ZDHHC22: variants seen among roughly 807,000 people sequenced by gnomAD.
ZDHHC22 encodes palmitoyltransferase ZDHHC22.
ZDHHC22 carries 13 observed loss-of-function variants against 17.0 expected under a neutral mutation model. The ratio of observed to expected loss-of-function variants is 0.76; its 90% CI spans 0.50 to 1.21. The LOEUF (loss-of-function observed/expected upper bound fraction) is 1.21, where lower values mean the gene tolerates loss of function less well. Ranked by LOEUF, ZDHHC22 falls within the 50% of genes most tolerant of loss-of-function variation. ZDHHC22 has a pLI of 0.00. For missense variants in ZDHHC22, 319 were observed against 342.3 expected (o/e 0.93, Z 0.54); for synonymous variants, 138 against 154.7 (o/e 0.89, Z 0.80).
intron 2 of ZDHHC22, among the ~76,000 whole-genome samples, chr14:77,137,423 C>T (rs1018327265): frequency 1.3e-5 from 2 of 152,208 alleles, no homozygotes; most frequent in African/African-American, 4.8e-5. Context: ...CAAGGTCTTC[C>T]TTCTGGAACC....
intron 2 of ZDHHC22, among the ~76,000 whole-genome samples, chr14:77,134,629 G>A (rs1887101221): frequency 6.6e-6 from 1 of 152,140 alleles, no homozygotes; most frequent in Non-Finnish European, 1.5e-5. Context: ...GCTAGAAGAG[G>A]CCCCCAAGGT....
At chr14:77,137,365 A>G (rs1887156845) in intron 2 of ZDHHC22, among the ~76,000 whole-genome samples, 1 of 152,208 alleles carries the variant, frequency 6.6e-6, no homozygotes, top group Admixed American at 6.5e-5. Context: ...CAAACCTAGC[A>G]CATATGGACA....
chr14:77,135,194 G>GC (rs903101349), intron 2 of ZDHHC22, among the ~76,000 whole-genome samples: 9 of 151,954 alleles, frequency 5.9e-5, no homozygotes, highest in Admixed American at 3.3e-4. Flanking sequence ...CTCTGGTGGG[G>GC]GGGGGGCACC....
chr14:77,134,003 C>T, intron 2 of ZDHHC22, 55 bp from the exon 3 acceptor site: 16 of 1,491,490 alleles, frequency 1.1e-5, no homozygotes, highest in Non-Finnish European at 1.4e-5. Flanking sequence ...AGGCCACCGG[C>T]ATAACTGCGA....
At position 77,140,586 on chromosome 14, in the gene ZDHHC22, T is replaced by C. The variant is rs1284441422; in HGVS notation, c.-14-834A>G. The C allele has an allele frequency of 6.6e-6, 1 of 152,204 alleles. No individual in the cohort carries two copies. Among genetic ancestry groups the C allele is most frequent in the Non-Finnish European group, 1.5e-5 (1 of 68,022 alleles). 9.4% of individuals were successfully genotyped at this position (152,204 alleles called of 1,614,324 possible). A position where few individuals can be genotyped will look rare whatever the true frequency, so the allele number is the denominator to read the frequency against. ...GCCAGCACATCTCTCCAACGCTGGC[T>C]GCCCGGGCTATTTCTTTGCGAAGAG... On this transcript the variant is annotated intron_variant, in intron 1 of 2. Coordinates refer to ENST00000319374, the MANE Select transcript of ZDHHC22 (RefSeq NM_174976.2). The surrounding 1 kb of genome is among the most constrained non-coding windows in gnomAD (Gnocchi z 5.9).
chr14:77,139,728 AG>A lies in ZDHHC22; in HGVS notation c.10del (p.Leu4CysfsTer18), dbSNP rs1887213406. On this transcript the variant is annotated frameshift_variant, in exon 2 of 3. Transcript: ENST00000319374. LOFTEE classifies it high-confidence loss of function. The stretch of plus-strand genomic sequence containing the variant: ...GGGGGCCACCACGTTGAGCAGCCGC[AG>A]GGCCAGCATCCTCGATTACATTCCT... MLA[L>X]RLLNVVAPAY... 2 of 1,506,692 alleles carry A rather than the reference AG, an allele frequency of 1.3e-6. No homozygotes were observed. Among genetic ancestry groups the A allele is most frequent in the African/African-American group, 2.8e-5 (2 of 71,912 alleles). The allele number at this position is 1,506,692 out of a possible 1,614,324, so 93.3% of individuals were successfully genotyped here.
chr14:77,134,253 G>A (rs1160352324), intron 2 of ZDHHC22, among the ~76,000 whole-genome samples: 2 of 152,190 alleles, frequency 1.3e-5, no homozygotes, highest in African/African-American at 4.8e-5. Context: ...GCACCTGGCC[G>A]CTGATAACAT....
intron 1 of ZDHHC22, 144 bp from the exon 2 acceptor site, chr14:77,139,896 T>G: frequency 8.2e-6 from 7 of 852,080 alleles, no homozygotes; most frequent in African/African-American, 1.7e-5. Flanking sequence ...CCCTCCCCAG[T>G]TCCCTAACCC....
chr14:77,134,097 G>T, intron 2 of ZDHHC22, 149 bp from the exon 3 acceptor site: 1 of 1,082,280 alleles, frequency 9.2e-7, no homozygotes. Context: ...TGCAGCTGCA[G>T]TGAGGGAGAG....
chr14:77,139,517 GTC>G lies in ZDHHC22; in HGVS notation c.220_221del (p.Asp74ArgfsTer19). 1.2e-6 allele frequency: 2 copies of G among 1,611,026 alleles called. No homozygotes were observed. The highest frequency in any genetic ancestry group is 1.7e-6 in the Non-Finnish European group (2 of 1,178,768). ...AGGCCCCCTGGCAGGCCCCCAGGTCGTCTGGGGAGTTCTGGATGACAAGGACG... is the reference window on the plus strand; with the variant it reads ...AGGCCCCCTGGCAGGCCCCCAGGTCGTGGGGAGTTCTGGATGACAAGGACG... ...NYVLVIQNSPDDLGACQGASA... is the reference protein window; with the variant it reads ...NYVLVIQNSPXDLGACQGASA... On this transcript the variant is annotated frameshift_variant, in exon 2 of 3. Coordinates refer to ENST00000319374, the MANE Select transcript of ZDHHC22 (RefSeq NM_174976.2). LOFTEE classifies it high-confidence loss of function.
At chr14:77,138,675 C>T (rs986658972) in intron 2 of ZDHHC22, among the ~76,000 whole-genome samples, 1 of 152,200 alleles carries the variant, frequency 6.6e-6, no homozygotes, top group African/African-American at 2.4e-5. Flanking sequence ...GAGGACAGAG[C>T]TTAGCCTCCT....
rs866685385 is a variant in ZDHHC22 at position 77,139,564 on chromosome 14, C to T, written c.175G>A (p.Ala59Thr). 6.2e-7 allele frequency: 1 copy of T among 1,602,072 alleles called. No individual in the cohort carries two copies. Among genetic ancestry groups the T allele is most frequent in the South Asian group, 1.1e-5 (1 of 89,206 alleles). Residue 59 changes from alanine to threonine, a missense_variant, in exon 2 of 3, where the codon GCC (alanine) becomes ACC (threonine). Physicochemically the swap from Ala to Thr is moderately conservative, Grantham distance 58. Coordinates refer to ENST00000319374, the MANE Select transcript of ZDHHC22 (RefSeq NM_174976.2). ...LHGALFLFLS[A>T]NALGNYVLVI... The stretch of plus-strand genomic sequence containing the variant: ...AGGACGTAATTGCCCAGGGCGTTGG[C>T]CGAGAGGAATAGGAAGAGCGCCCCG...
At chr14:77,134,466 C>T (rs1438180847) in intron 2 of ZDHHC22, among the ~76,000 whole-genome samples, 1 of 152,182 alleles carries the variant, frequency 6.6e-6, no homozygotes, top group East Asian at 1.9e-4. Flanking sequence ...AAAATGACAG[C>T]ATGATGGAGA....
At position 77,135,729 on chromosome 14, in the gene ZDHHC22, A is replaced by C. The variant is rs540662198; in HGVS notation, c.527-1781T>G. 1.1e-4 allele frequency among the ~76,000 whole-genome samples: 16 copies of C among 152,356 alleles called. 1 individual carries two copies. In the South Asian group the frequency reaches 1.9e-3, roughly 18 times the overall value. ...CCTCAAGCTGGGATGTGAGAACATC[A>C]GAGCTGTCAAGCTTGGGCCTGCCTT... On this transcript the variant is annotated intron_variant, in intron 2 of 2. Transcript: ENST00000319374.
chr14:77,134,687 C>A (rs957533831), intron 2 of ZDHHC22, among the ~76,000 whole-genome samples: 77 of 152,234 alleles, frequency 5.1e-4, no homozygotes, highest in African/African-American at 1.7e-3. Flanking sequence ...TCCCTCTAAA[C>A]CAAGCACTTC....
intron 2 of ZDHHC22, among the ~76,000 whole-genome samples, chr14:77,137,313 G>A (rs1270422128): frequency 6.6e-6 from 1 of 152,178 alleles, no homozygotes; most frequent in African/African-American, 2.4e-5. Flanking sequence ...AGGAGTCTGG[G>A]CCCCAAGGTG....
chr14:77,139,840 C>A, intron 1 of ZDHHC22, 88 bp from the exon 2 acceptor site: 2 of 1,342,294 alleles, frequency 1.5e-6, no homozygotes, highest in Non-Finnish European at 2.0e-6. Context: ...GCGTCTGGGG[C>A]ACTGCACGCG....
intron 2 of ZDHHC22, among the ~76,000 whole-genome samples, chr14:77,134,227 C>T (rs951988877): frequency 6.6e-6 from 1 of 152,204 alleles, no homozygotes; most frequent in African/African-American, 2.4e-5. Context: ...AAGGACAGCC[C>T]TCAGCTCCTG....
intron 1 of ZDHHC22, 85 bp from the exon 2 acceptor site, chr14:77,139,837 G>C: frequency 7.4e-7 from 1 of 1,352,394 alleles, no homozygotes; most frequent in South Asian, 1.6e-5. Flanking sequence ...CGCGCGTCTG[G>C]GGCACTGCAC....
Sources: allele counts gnomAD v4.1 joint callset (sites outside exome capture counted in the v4.1 genomes callset), GRCh38; gene constraint gnomAD v4.1.1; non-coding constraint Gnocchi (gnomAD v3.1); transcripts MANE v1.5; gene names NCBI Gene and HGNC (gene_info 2026-07-23, HGNC 2026-07-21).